The following HECW2 variants were observed in gnomAD, a reference collection of about 807,000 sequenced individuals.
HECW2 encodes E3 ubiquitin-protein ligase HECW2.
HECW2 carries 61 observed loss-of-function variants against 175.2 expected under a neutral mutation model. That is an observed-to-expected ratio of 0.35 (90% CI 0.28 to 0.43). The LOEUF (loss-of-function observed/expected upper bound fraction) is 0.43, where lower values mean the gene tolerates loss of function less well. Among genes scored for constraint, HECW2 ranks in the 20% least tolerant of loss-of-function variants. HECW2 has a pLI of 1.00. For missense variants in HECW2, 1,524 were observed against 2,000.5 expected (o/e 0.76, Z 4.54); for synonymous variants, 671 against 731.0 (o/e 0.92, Z 1.32).
chr2:196,461,376 G>A (rs923869131), intron 1 of HECW2, among the ~76,000 whole-genome samples: 20 of 152,162 alleles, frequency 1.3e-4, no homozygotes, highest in Non-Finnish European at 1.6e-4. Flanking sequence ...GCTCACAAGG[G>A]TAGAGAACAA....
intron 14 of HECW2, among the ~76,000 whole-genome samples, chr2:196,281,034 A>G (rs1395964181): frequency 6.6e-6 from 1 of 152,198 alleles, no homozygotes; most frequent in African/African-American, 2.4e-5. Flanking sequence ...ATGGGTGGTC[A>G]TTAACGGTAC....
chr2:196,238,306 G>A (rs549108987), intron 21 of HECW2, among the ~76,000 whole-genome samples: 9 of 152,232 alleles, frequency 5.9e-5, no homozygotes, highest in South Asian at 4.1e-4. Context: ...AATTTGGGTC[G>A]CTCTTCCCTT....
At chr2:196,565,785 A>T (rs527509202) in intron 1 of HECW2, among the ~76,000 whole-genome samples, 1 of 152,220 alleles carries the variant, frequency 6.6e-6, no homozygotes, top group African/African-American at 2.4e-5. Flanking sequence ...AAAATAATAA[A>T]GAATAATTGT....
At chr2:196,323,335 A>G (rs1020851405) in intron 6 of HECW2, among the ~76,000 whole-genome samples, 1 of 152,240 alleles carries the variant, frequency 6.6e-6, no homozygotes, top group Non-Finnish European at 1.5e-5. Flanking sequence ...AGACTTTTAC[A>G]TATATTATCT....
chr2:196,382,948 C>T (rs11899924), intron 2 of HECW2, among the ~76,000 whole-genome samples: 42,523 of 151,970 alleles, frequency 0.28, 7,134 homozygotes, highest in African/African-American at 0.47. Context: ...TGATCAGGGA[C>T]AAAACTATAT....
rs918376044 is a variant in HECW2, at chr2:196,432,151, C to T, written c.292+981G>A. On this transcript the variant is annotated intron_variant, in intron 2 of 28. Coordinates refer to ENST00000644978, the MANE Select transcript of HECW2 (RefSeq NM_001348768.2). ...AACCAAAAATGTCTCCAAACCTTGC[C>T]GAATGTCCTCTAGGGGGCAAAATCT... 9.8e-4 allele frequency among the ~76,000 whole-genome samples: 149 copies of T among 152,156 alleles called. 1 individual carries two copies. The highest frequency in any genetic ancestry group is 6.6e-4 in the Non-Finnish European group (45 of 68,006).
At chr2:196,348,647 C>CA (rs886976380) in intron 2 of HECW2, among the ~76,000 whole-genome samples, 4 of 150,886 alleles carry the variant, frequency 2.7e-5, no homozygotes, top group African/African-American at 7.3e-5. Flanking sequence ...GACCCTAACT[C>CA]AAAAAAAAGA....
Position 196,439,590 on chromosome 2 carries a change from G to T in HECW2, c.-35-6132C>A, listed in dbSNP as rs1052519911. ...ACCTCCAAACAACTCCCTTAGAAAA[G>T]AATTGCAGAGCCCACCGCCCACAAG... On this transcript the variant is annotated intron_variant, in intron 1 of 28. Coordinates refer to ENST00000644978, the MANE Select transcript of HECW2 (RefSeq NM_001348768.2). Among the ~76,000 whole-genome samples, 3 of 152,088 alleles carry T rather than the reference G, an allele frequency of 2.0e-5. No individual in the cohort carries two copies. In the South Asian group the frequency reaches 6.3e-4, roughly 32 times the overall value.
chr2:196,386,885 G>T (rs115733001), intron 2 of HECW2, among the ~76,000 whole-genome samples: 3,235 of 152,250 alleles, frequency 0.021, 103 homozygotes, highest in African/African-American at 0.074. Context: ...CACTGTGAAT[G>T]ATTGTAGTCG....
At chr2:196,304,391 C>A (rs867290344) in intron 13 of HECW2, among the ~76,000 whole-genome samples, 7 of 152,324 alleles carry the variant, frequency 4.6e-5, no homozygotes, top group Admixed American at 3.9e-4. Context: ...AGTGCCTCCT[C>A]CACCTCATCC....
intron 2 of HECW2, among the ~76,000 whole-genome samples, chr2:196,411,261 T>A (rs547520570): frequency 6.6e-6 from 1 of 152,220 alleles, no homozygotes; most frequent in African/African-American, 2.4e-5. Flanking sequence ...CACCTCCATC[T>A]CCCAAAGTGT....
At chr2:196,590,834 A>G (rs1413784790) in intron 1 of HECW2, among the ~76,000 whole-genome samples, 5 of 152,214 alleles carry the variant, frequency 3.3e-5, no homozygotes, top group South Asian at 2.1e-4. Context: ...GAGTAAGAAA[A>G]TATAGGTTTT....
At chr2:196,529,673 C>T (rs1195168993) in intron 1 of HECW2, among the ~76,000 whole-genome samples, 2 of 152,174 alleles carry the variant, frequency 1.3e-5, no homozygotes, top group Non-Finnish European at 2.9e-5. Flanking sequence ...GGAATCCAGA[C>T]ATGGTGATGG....
At position 196,582,631 on chromosome 2, in the gene HECW2, T is replaced by C. The variant is rs1037021386; in HGVS notation, c.-36+10877A>G. Among the ~76,000 whole-genome samples, 4 of 152,318 alleles carry C rather than the reference T, an allele frequency of 2.6e-5. No individual in the cohort carries two copies. The South Asian group carries it at 6.2e-4, about 24-fold the overall frequency. On this transcript the variant is annotated intron_variant, in intron 1 of 28. Transcript: ENST00000644978. ...TTGGTAGAGATCCATAACACCTGTG[T>C]CTGGTGCCCTGCACTGAAGAAGCCA...
At chr2:196,289,196 A>C (rs936982341) in intron 14 of HECW2, 11 of 152,374 alleles carry the variant, frequency 7.2e-5, no homozygotes, top group Admixed American at 7.2e-4. Flanking sequence ...AGATGGAGGC[A>C]AATTTTAGCC....
chr2:196,482,911 C>T (rs1686890219), intron 1 of HECW2, among the ~76,000 whole-genome samples: 1 of 152,114 alleles, frequency 6.6e-6, no homozygotes, highest in South Asian at 2.1e-4. Flanking sequence ...CTTTTTGTTT[C>T]CTTCTCAGTG....
At chr2:196,406,722 C>A (rs1208993694) in intron 2 of HECW2, among the ~76,000 whole-genome samples, 3 of 152,236 alleles carry the variant, frequency 2.0e-5, no homozygotes, top group Admixed American at 6.5e-5. Flanking sequence ...CTGTTCCTGA[C>A]ACCTGCCAAG....
chr2:196,426,342 G>A (rs962305478), intron 2 of HECW2, among the ~76,000 whole-genome samples: 1 of 152,090 alleles, frequency 6.6e-6, no homozygotes, highest in Admixed American at 6.5e-5. Flanking sequence ...CATAATGGCT[G>A]TACTAATTTA....
At chr2:196,308,107 A>G in intron 10 of HECW2, 22 bp from the exon 11 acceptor site, 1 of 1,537,084 alleles carries the variant, frequency 6.5e-7, no homozygotes, top group Non-Finnish European at 8.8e-7. Context: ...TGAGGCACCG[A>G]AAGGAATTAG....
Sources: gnomAD v4.1 joint callset for allele counts (sites outside exome capture counted in the v4.1 genomes callset) on GRCh38, gnomAD v4.1.1 for gene constraint, MANE v1.5 for transcripts, NCBI Gene and HGNC (gene_info 2026-07-23, HGNC 2026-07-21) for gene names.